Variants in NRG1 observed in about 807,000 individuals in gnomAD.
The protein encoded by NRG1 is pro-neuregulin-1, membrane-bound isoform.
NRG1 carries 18 observed loss-of-function variants against 63.8 expected under a neutral mutation model. The observed-to-expected ratio is 0.28, with a 90% CI of 0.19 to 0.42. The LOEUF (loss-of-function observed/expected upper bound fraction) is 0.42. Among genes scored for constraint, NRG1 ranks in the 10% least tolerant of loss-of-function variants. NRG1 has a pLI of 1.00. For missense variants in NRG1, 762 were observed against 814.7 expected, an observed-to-expected ratio of 0.94 and a Z score of 0.79; for synonymous variants, 302 against 301.3, an observed-to-expected ratio of 1.00 and a Z score of -0.02.
chr8:31,801,596 C>T (rs1307490845), intron 1 of NRG1, among the ~76,000 whole-genome samples: 1 of 152,168 alleles, frequency 6.6e-6, no homozygotes, highest in East Asian at 1.9e-4. Flanking sequence ...TCAGCTCTGG[C>T]TTTGAGCCTC....
intron 1 of NRG1, among the ~76,000 whole-genome samples, chr8:32,566,341 T>TAA (rs1214267183): frequency 1.3e-5 from 1 of 75,474 alleles, no homozygotes. Flanking sequence ...ACAGAACATC[T>TAA]CAAAAAAAAA....
At chr8:32,088,692 G>T (rs2131240652) in intron 1 of NRG1, among the ~76,000 whole-genome samples, 1 of 151,920 alleles carries the variant, frequency 6.6e-6, no homozygotes, top group African/African-American at 2.4e-5. Context: ...TAATTTTTTT[G>T]TATTTTTAGT....
intron 1 of NRG1, among the ~76,000 whole-genome samples, chr8:32,087,482 C>CTTTCTTT (rs1554622114): frequency 7.8e-5 from 7 of 90,278 alleles, no homozygotes; most frequent in Admixed American, 1.7e-4. Flanking sequence ...TCTTTTCTTT[C>CTTTCTTT]TTTTTTTTTT....
chr8:32,380,186 C>A (rs1810163241), intron 1 of NRG1, among the ~76,000 whole-genome samples: 1 of 152,070 alleles, frequency 6.6e-6, no homozygotes, highest in Non-Finnish European at 1.5e-5. Context: ...TGGCCATTCT[C>A]TCCTGCTTGA....
chr8:32,703,934 G>A (rs151116190), intron 5 of NRG1, among the ~76,000 whole-genome samples: 1 of 152,170 alleles, frequency 6.6e-6, no homozygotes, highest in South Asian at 2.1e-4. Context: ...ATACCTTTGT[G>A]TGTGCTCAGA....
chr8:32,018,283 T>C (rs1815887757), intron 1 of NRG1, among the ~76,000 whole-genome samples: 1 of 152,216 alleles, frequency 6.6e-6, no homozygotes, highest in African/African-American at 2.4e-5. Context: ...CAACTTTTAC[T>C]TGATCAGAGA....
At chr8:32,291,607 C>T (rs1296058893) in intron 1 of NRG1, among the ~76,000 whole-genome samples, 7 of 137,234 alleles carry the variant, frequency 5.1e-5, no homozygotes, top group Admixed American at 5.0e-4. Flanking sequence ...GGCAAGATCT[C>T]GGCTCACTGC....
chr8:32,607,821 A>G (rs1471396089), intron 3 of NRG1, among the ~76,000 whole-genome samples: 26 of 152,124 alleles, frequency 1.7e-4, no homozygotes, highest in Admixed American at 1.7e-3. Context: ...TTTTAAGTAA[A>G]TCCTTCTTAA....
At chr8:31,645,504 T>A (rs751911090) in intron 1 of NRG1, among the ~76,000 whole-genome samples, 2 of 152,152 alleles carry the variant, frequency 1.3e-5, no homozygotes, top group Non-Finnish European at 2.9e-5. Flanking sequence ...TCCATACAGG[T>A]TGAAGCAGAT....
At chr8:32,404,314 T>C (rs1391552258) in intron 1 of NRG1, among the ~76,000 whole-genome samples, 1 of 142,106 alleles carries the variant, frequency 7.0e-6, no homozygotes, top group Non-Finnish European at 1.6e-5. Flanking sequence ...AGCAACCACC[T>C]GATCTGCACA....
At chr8:32,417,421 T>C (rs1241291397) in intron 1 of NRG1, among the ~76,000 whole-genome samples, 1 of 152,098 alleles carries the variant, frequency 6.6e-6, no homozygotes, top group Non-Finnish European at 1.5e-5. Flanking sequence ...TTCATTGTCT[T>C]TCTTGAGGGT....
chr8:31,644,605 T>C (rs1804115343), intron 1 of NRG1, among the ~76,000 whole-genome samples: 1 of 152,170 alleles, frequency 6.6e-6, no homozygotes. Context: ...GGCTTGTATA[T>C]TTATAGCAAA....
intron 1 of NRG1, among the ~76,000 whole-genome samples, chr8:32,194,512 C>T (rs769114399): frequency 2.2e-4 from 33 of 152,014 alleles, no homozygotes; most frequent in Non-Finnish European, 4.1e-4. Context: ...TTTCCATGTA[C>T]TATTAGCAGA....
At chr8:32,626,354 T>G (rs2129543360) in intron 5 of NRG1, among the ~76,000 whole-genome samples, 1 of 149,116 alleles carries the variant, frequency 6.7e-6, no homozygotes, top group South Asian at 2.1e-4. Flanking sequence ...ACTTTCAAAT[T>G]AAGTTTTTTT....
At chr8:31,908,617 A>G (rs893242372) in intron 1 of NRG1, among the ~76,000 whole-genome samples, 10 of 152,196 alleles carry the variant, frequency 6.6e-5, no homozygotes, top group African/African-American at 1.9e-4. Flanking sequence ...GATTCATTCT[A>G]CATTTGTATT....
At chr8:32,511,363 ATG>A (rs201423145) in intron 1 of NRG1, among the ~76,000 whole-genome samples, 1 of 102,926 alleles carries the variant, frequency 9.7e-6, no homozygotes, top group East Asian at 3.4e-4. Context: ...GTCGATATAT[ATG>A]TGTATATATA....
chr8:32,263,051 T>C (rs565512054), intron 1 of NRG1, among the ~76,000 whole-genome samples: 1 of 152,304 alleles, frequency 6.6e-6, no homozygotes, highest in East Asian at 1.9e-4. Flanking sequence ...AAGATTCCCA[T>C]GGGCAGAAAT....
At chr8:31,902,050 G>A (rs117690392) in intron 1 of NRG1, among the ~76,000 whole-genome samples, 2,313 of 152,206 alleles carry the variant, frequency 0.015, 65 homozygotes, top group South Asian at 0.12. Flanking sequence ...ATTCAGAACT[G>A]TACTAGTTAG....
At chr8:32,134,126 C>T (rs1835201977) in intron 1 of NRG1, among the ~76,000 whole-genome samples, 2 of 152,102 alleles carry the variant, frequency 1.3e-5, no homozygotes. Flanking sequence ...TTCTGCCCTG[C>T]TCACTGTCAA....
Sources: gnomAD v4.1 joint callset for allele counts (sites outside exome capture counted in the v4.1 genomes callset) on GRCh38, gnomAD v4.1.1 for gene constraint, MANE v1.5 for transcripts, NCBI Gene and HGNC (gene_info 2026-07-23, HGNC 2026-07-21) for gene names.